The following CR2 variants were observed in gnomAD, a reference collection of about 807,000 sequenced individuals.
CR2 encodes the protein complement receptor type 2.
Under a neutral mutation model 123.0 loss-of-function variants are expected in CR2, and 96 were observed. The ratio of observed to expected loss-of-function variants is 0.78; its 90% CI spans 0.66 to 0.93. CR2 has a LOEUF of 0.93. Ranked by LOEUF, CR2 falls within the 40% of genes least tolerant of loss-of-function variation. CR2 has a pLI of 0.00. For missense variants in CR2, 1,258 were observed against 1,361.0 expected (o/e 0.92, Z 1.19); for synonymous variants, 484 against 469.5 (o/e 1.03, Z -0.40).
At position 207,470,828 on chromosome 1, in the gene CR2, C is replaced by T. The variant is rs1658253584; in HGVS notation, c.1314C>T (p.Ser438=). 4 of 1,613,474 alleles carry T rather than the reference C, an allele frequency of 2.5e-6. No homozygotes were observed. Among genetic ancestry groups the T allele is most frequent in the Non-Finnish European group, 3.4e-6 (4 of 1,179,608 alleles). ...ACCCTGGAACATCTATAAAATATAG[C>T]TGTAACCCTGGCTATGTGCTGGTGG... The part of the protein sequence containing the change: ...RFDPGTSIKY[S]CNPGYVLVGE... Residue 438 remains serine, a synonymous_variant, in exon 7 of 20, where the codon AGC becomes AGT. Transcript: ENST00000367057.
At chr1:207,467,158 T>C (rs1052185032) in intron 2 of CR2, among the ~76,000 whole-genome samples, 4 of 152,116 alleles carry the variant, frequency 2.6e-5, no homozygotes, top group Non-Finnish European at 4.4e-5. Flanking sequence ...ACCTAATAAT[T>C]GAGTAGGGTA....
chr1:207,457,570 G>T (rs548027090), intron 1 of CR2, among the ~76,000 whole-genome samples: 55 of 152,250 alleles, frequency 3.6e-4, no homozygotes, highest in African/African-American at 1.2e-3. Flanking sequence ...CTTCAGACAG[G>T]CTTCTTCCCC....
At chr1:207,485,878 G>T (rs1449584156) in intron 19 of CR2, among the ~76,000 whole-genome samples, 1 of 152,126 alleles carries the variant, frequency 6.6e-6, no homozygotes, top group East Asian at 1.9e-4. Flanking sequence ...AAGAGAACAG[G>T]GTGGTCGCAA....
intron 18 of CR2, among the ~76,000 whole-genome samples, chr1:207,484,410 A>G (rs904596745): frequency 1.5e-4 from 23 of 152,258 alleles, no homozygotes; most frequent in Admixed American, 1.3e-4. Flanking sequence ...ATGCTTTTTT[A>G]AATGAGATGA....
At chr1:207,471,608 C>A in intron 9 of CR2, 109 bp downstream of exon 9, 1 of 801,408 alleles carries the variant, frequency 1.2e-6, no homozygotes, top group Non-Finnish European at 2.2e-6. Context: ...AGATTCTGTT[C>A]TATTGATTCT....
chr1:207,455,467 T>A (rs1027143401), intron 1 of CR2, among the ~76,000 whole-genome samples: 3 of 152,216 alleles, frequency 2.0e-5, no homozygotes, highest in Non-Finnish European at 4.4e-5. Context: ...GTAATAAGCC[T>A]CCTGTACAGA....
Position 207,476,364 on chromosome 1 carries a change from A to G in CR2, c.2847A>G (p.Ala949=). Reference sequence around the variant, plus strand: ...AAGGCTACCTGCTGGTGGGAGAGGCACTCCTTCTTTGCACACATGAGGGAA... The same window carrying G: ...AAGGCTACCTGCTGGTGGGAGAGGCGCTCCTTCTTTGCACACATGAGGGAA... ...CDQGYLLVGE[A]LLLCTHEGTW... is the part of the protein sequence containing the mutation. The change falls in exon 15 of 20, where the codon GCA becomes GCG. Residue 949 remains alanine (A), a synonymous_variant. Coordinates refer to ENST00000367057, the MANE Select transcript of CR2 (RefSeq NM_001006658.3). 6.2e-7 allele frequency: 1 copy of G among 1,613,572 alleles called. No individual in the cohort carries two copies. The highest frequency in any genetic ancestry group is 8.5e-7 in the Non-Finnish European group (1 of 1,179,816).
intron 13 of CR2, 52 bp downstream of exon 13, chr1:207,474,375 G>C (rs1225944197): frequency 7.6e-7 from 1 of 1,316,112 alleles, no homozygotes; most frequent in Non-Finnish European, 1.1e-6. Flanking sequence ...ATTAGAGAGG[G>C]CAGGCCACTG....
chr1:207,471,714 T>C, intron 9 of CR2: 1 of 499,686 alleles, frequency 2.0e-6, no homozygotes, highest in Non-Finnish European at 3.7e-6. Context: ...GATTCTATTT[T>C]GTGGTTTACG....
intron 1 of CR2, among the ~76,000 whole-genome samples, chr1:207,455,653 C>G (rs1466667267): frequency 6.6e-6 from 1 of 152,246 alleles, no homozygotes; most frequent in African/African-American, 2.4e-5. Flanking sequence ...CCATTATCTT[C>G]ATCTCTTTTC....
At chr1:207,473,244 A>G (rs1012620987) in intron 10 of CR2, 65 bp downstream of exon 10, 71 of 1,574,206 alleles carry the variant, frequency 4.5e-5, no homozygotes, top group Non-Finnish European at 5.7e-5. Flanking sequence ...ATTATCTCCC[A>G]CCCAAAACTG....
chr1:207,458,094 A>ACACACACACACACACT (rs1294314210), intron 1 of CR2, among the ~76,000 whole-genome samples: 3 of 151,180 alleles, frequency 2.0e-5, no homozygotes, highest in Non-Finnish European at 4.4e-5. Flanking sequence ...ACACACACAC[A>ACACACACACACACACT]CACACTCCTT....
chr1:207,470,178 G>A (rs1469767380), intron 6 of CR2, 76 bp downstream of exon 6: 2 of 1,551,570 alleles, frequency 1.3e-6, no homozygotes, highest in East Asian at 2.3e-5. Context: ...GTGGGCTTTA[G>A]GTAGGGCCTT....
In CR2 at chr1:207,473,481, A is replaced by G. The variant is rs935886224; in HGVS notation, c.1979-64A>G. The G allele has an allele frequency of 3.3e-6, 5 of 1,495,158 alleles. No individual in the cohort carries two copies. In the African/African-American group the frequency reaches 6.9e-5, roughly 21 times the overall value. 92.6% of individuals were successfully genotyped at this position (1,495,158 alleles called of 1,614,324 possible). A position where few individuals can be genotyped will look rare whatever the true frequency, so the allele number is the denominator to read the frequency against. On this transcript the variant is annotated intron_variant, in intron 10 of 19. Coordinates refer to ENST00000367057, the MANE Select transcript of CR2 (RefSeq NM_001006658.3). ...TCAGACTGTCTGTCCAATGTTGTACACTTAGTGTTCTTGAGTAGAAATTCC... is the reference window on the plus strand; with the variant it reads ...TCAGACTGTCTGTCCAATGTTGTACGCTTAGTGTTCTTGAGTAGAAATTCC...
Position 207,466,718 on chromosome 1 carries a change from A to G in CR2, c.251A>G (p.Tyr84Cys). 4 of 1,614,104 alleles carry G rather than the reference A, an allele frequency of 2.5e-6. No homozygotes were observed. The highest frequency in any genetic ancestry group is 3.4e-6 in the Non-Finnish European group (4 of 1,179,984). ...TWDKPAPKCEYFNKYSSCPEP... is the reference protein window; with the variant it reads ...TWDKPAPKCECFNKYSSCPEP... Reference sequence around the variant, plus strand: ...GATAAACCTGCTCCTAAATGTGAATATTTCAATAAATATTCTTCTTGCCCT... The same window carrying G: ...GATAAACCTGCTCCTAAATGTGAATGTTTCAATAAATATTCTTCTTGCCCT... Residue 84 changes from tyrosine to cysteine, a missense_variant, in exon 2 of 20, where the codon TAT becomes TGT. By Grantham distance (194) the Tyr-to-Cys change is radical. Coordinates refer to ENST00000367057, the MANE Select transcript of CR2 (RefSeq NM_001006658.3).
chr1:207,456,401 C>T lies in CR2; in HGVS notation c.58+1925C>T, dbSNP rs530082388. Among the ~76,000 whole-genome samples, 4 of 152,316 alleles carry T rather than the reference C, an allele frequency of 2.6e-5. No individual in the cohort carries two copies. In the South Asian group the frequency reaches 8.3e-4, roughly 32 times the overall value. ...AAATGTAGGTTCCTGGTTCCACCTC[C>T]CCCTCCAGAGGTTCATAGGTTTGGA... On this transcript the variant is annotated intron_variant, in intron 1 of 19. Coordinates refer to ENST00000367057, the MANE Select transcript of CR2 (RefSeq NM_001006658.3).
chr1:207,454,646 T>C lies in CR2; in HGVS notation c.58+170T>C. 1 of 578,466 alleles carries C rather than the reference T, an allele frequency of 1.7e-6. No homozygotes were observed. The highest frequency in any genetic ancestry group is 3.0e-6 in the Non-Finnish European group (1 of 334,352). 35.8% of individuals were successfully genotyped at this position (578,466 alleles called of 1,614,324 possible). Reference sequence around the variant, plus strand: ...ACTGCAATAAACCGCCTGGTCCTGATTGTCCCCACTGGCCCCTCCGGGAGC... The same window carrying C: ...ACTGCAATAAACCGCCTGGTCCTGACTGTCCCCACTGGCCCCTCCGGGAGC... On this transcript the variant is annotated intron_variant, in intron 1 of 19. Coordinates refer to ENST00000367057, the MANE Select transcript of CR2 (RefSeq NM_001006658.3). This position sits in a 1 kb window ranked among gnomAD's most constrained non-coding sequence, Gnocchi z 4.3.
At chr1:207,488,498 C>T (rs1658807633) in intron 19 of CR2, among the ~76,000 whole-genome samples, 1 of 152,102 alleles carries the variant, frequency 6.6e-6, no homozygotes, top group African/African-American at 2.4e-5. Flanking sequence ...ATGGCACGTG[C>T]CTGTAATCCC....
In CR2 at chr1:207,471,449, A is replaced by C; in HGVS notation, c.1520A>C (p.Gln507Pro). 6.2e-7 allele frequency: 1 copy of C among 1,613,122 alleles called. No individual in the cohort carries two copies. Among genetic ancestry groups the C allele is most frequent in the Non-Finnish European group, 8.5e-7 (1 of 1,179,176 alleles). ...TACAAGTTAAGTGGGAGTGTTTATC[A>C]GGAGTGTCAAGGCACAATTCCTTGG... ...EGYKLSGSVYQECQGTIPWFM... is the reference protein window; with the variant it reads ...EGYKLSGSVYPECQGTIPWFM... The change falls in exon 9 of 20, where the codon CAG (glutamine) becomes CCG (proline). Residue 507 changes from glutamine to proline, a missense_variant. Transcript: ENST00000367057.
Sources: gnomAD v4.1 joint callset for allele counts (sites outside exome capture counted in the v4.1 genomes callset) on GRCh38, gnomAD v4.1.1 for gene constraint, Gnocchi (gnomAD v3.1) non-coding constraint, MANE v1.5 for transcripts, NCBI Gene and HGNC (gene_info 2026-07-23, HGNC 2026-07-21) for gene names.